The following MCM5 variants were observed in gnomAD, a reference collection of about 807,000 sequenced individuals.
MCM5 encodes the protein minichromosome maintenance complex component 5.
A neutral mutation model predicts 79.9 loss-of-function variants in MCM5; 46 were observed. The observed-to-expected ratio is 0.58, with a 90% confidence interval of 0.45 to 0.74. The LOEUF (loss-of-function observed/expected upper bound fraction) is 0.74, where lower values mean the gene tolerates loss of function less well. Among genes scored for constraint, MCM5 ranks in the 30% least tolerant of loss-of-function variants. The probability of loss-of-function intolerance (pLI) is 0.00; values close to 1 mark genes in which losing one functional copy is unlikely to be tolerated. For missense variants in MCM5, 883 were observed against 1,017.0 expected (o/e 0.87, Z 1.79); for synonymous variants, 404 against 390.5 (o/e 1.03, Z -0.41).
At chr22:35,431,731 A>C in the MCM5 span, among the ~76,000 whole-genome samples, 1 of 152,060 alleles carries the variant, frequency 6.6e-6, no homozygotes, top group Admixed American at 6.5e-5. Context: ...GAGTTTGAGG[A>C]TCTTGGCTCC....
intron 4 of MCM5, 64 bp from the exon 5 acceptor site, chr22:35,406,489 T>A (rs1250551173): frequency 6.8e-7 from 1 of 1,470,846 alleles, no homozygotes; most frequent in Non-Finnish European, 9.4e-7. Flanking sequence ...GGATATTTAC[T>A]GGCATATCTC....
chr22:35,436,328 C>T, the MCM5 span, among the ~76,000 whole-genome samples: 1 of 152,194 alleles, frequency 6.6e-6, no homozygotes, highest in Non-Finnish European at 1.5e-5. Flanking sequence ...CATGCTCCTG[C>T]TTCTCTGACC....
At chr22:35,431,660 G>C in the MCM5 span, among the ~76,000 whole-genome samples, 3 of 152,058 alleles carry the variant, frequency 2.0e-5, no homozygotes, top group Admixed American at 6.6e-5. Flanking sequence ...GAACCCATCA[G>C]CTTCTAGCAC....
At chr22:35,417,924 C>T in intron 13 of MCM5, 68 bp downstream of exon 13, 2 of 1,051,538 alleles carry the variant, frequency 1.9e-6, no homozygotes, top group South Asian at 1.3e-5. Flanking sequence ...AGAACCCAGT[C>T]CCCTGGTCCT....
chr22:35,444,601 T>G, the MCM5 span, among the ~76,000 whole-genome samples: 12 of 152,066 alleles, frequency 7.9e-5, no homozygotes, highest in East Asian at 2.3e-3. Context: ...GTGTGCGTGG[T>G]GGGCAGGGGT....
the MCM5 span, among the ~76,000 whole-genome samples, chr22:35,430,469 T>C: frequency 6.6e-6 from 1 of 151,354 alleles, no homozygotes; most frequent in Non-Finnish European, 1.5e-5. Flanking sequence ...TGCTGTGTTT[T>C]GGGCCTGGAG....
At chr22:35,400,975 C>G (rs1454685457) in intron 2 of MCM5, among the ~76,000 whole-genome samples, 1 of 152,096 alleles carries the variant, frequency 6.6e-6, no homozygotes, top group African/African-American at 2.4e-5. Flanking sequence ...GCCATCACCA[C>G]GCCCGGATAA....
At chr22:35,453,817 T>TAGAGAGAGAGAGAG in the MCM5 span, among the ~76,000 whole-genome samples, 6 of 78,284 alleles carry the variant, frequency 7.7e-5, no homozygotes, top group African/African-American at 2.6e-4. Flanking sequence ...TATATATATA[T>TAGAGAGAGAGAGAG]ATAGAGAGAG....
the MCM5 span, among the ~76,000 whole-genome samples, chr22:35,442,279 C>T: frequency 6.6e-6 from 1 of 151,954 alleles, no homozygotes; most frequent in African/African-American, 2.4e-5. Context: ...TGGTGGGTTC[C>T]TCCGTCTGCG....
At chr22:35,422,864 A>G (rs546159177) in intron 15 of MCM5, 8 of 172,948 alleles carry the variant, frequency 4.6e-5, no homozygotes, top group South Asian at 4.0e-4. Context: ...TCTCTAATCT[A>G]TCTGCTCCAG....
intron 4 of MCM5, among the ~76,000 whole-genome samples, chr22:35,405,407 C>T (rs909455952): frequency 6.6e-6 from 1 of 152,050 alleles, no homozygotes; most frequent in African/African-American, 2.4e-5. Flanking sequence ...GACTCTGTCG[C>T]CCAGGATGGA....
At chr22:35,454,984 CATAGTTTATAATA>C in the MCM5 span, among the ~76,000 whole-genome samples, 3 of 151,878 alleles carry the variant, frequency 2.0e-5, no homozygotes, top group African/African-American at 4.8e-5. Context: ...CTGGAATAAT[CATAGTTTATAATA>C]ATAGTTTATA....
intron 13 of MCM5, among the ~76,000 whole-genome samples, chr22:35,418,920 C>A (rs757160199): frequency 4.6e-5 from 7 of 152,172 alleles, no homozygotes; most frequent in Non-Finnish European, 1.0e-4. Context: ...GGATGTGAAC[C>A]CAGCTGCTTG....
rs1328200929 is a variant in MCM5 at position 35,415,087 on chromosome 22, T to C, written c.1204-742T>C. On this transcript the variant is annotated intron_variant, in intron 9 of 16. Transcript: ENST00000216122. The stretch of plus-strand genomic sequence containing the variant: ...CACATTAAAAAGTAGCTGGGTGCGG[T>C]TGTGTGCATACCTGTAGTCCCAGCT... 2.6e-5 allele frequency among the ~76,000 whole-genome samples: 4 copies of C among 151,872 alleles called. No homozygotes were observed. In the East Asian group the frequency reaches 7.8e-4, roughly 30 times the overall value.
intron 6 of MCM5, among the ~76,000 whole-genome samples, chr22:35,409,088 G>A (rs555126548): frequency 6.0e-4 from 91 of 152,174 alleles, no homozygotes; most frequent in African/African-American, 1.3e-3. Flanking sequence ...TCAGCCTCCC[G>A]AGTAGCTGGG....
chr22:35,408,332 G>T, intron 5 of MCM5, 76 bp from the exon 6 acceptor site: 1 of 1,432,292 alleles, frequency 7.0e-7, no homozygotes, highest in Non-Finnish European at 9.6e-7. Flanking sequence ...TCTCCTTGCT[G>T]GCTCCTGGGA....
intron 4 of MCM5, among the ~76,000 whole-genome samples, 189 bp downstream of exon 4, chr22:35,403,731 A>G (rs778105620): frequency 4.6e-5 from 7 of 152,232 alleles, no homozygotes; most frequent in African/African-American, 1.7e-4. Context: ...AGCAGAGAGT[A>G]GTATAATGAA....
intron 8 of MCM5, among the ~76,000 whole-genome samples, chr22:35,412,891 G>A (rs567315497): frequency 1.3e-5 from 2 of 152,336 alleles, no homozygotes; most frequent in African/African-American, 2.4e-5. Flanking sequence ...ACCCTGGCAA[G>A]GGGGAGACTG....
chr22:35,444,363 T>C, the MCM5 span, among the ~76,000 whole-genome samples: 3 of 152,092 alleles, frequency 2.0e-5, no homozygotes, highest in Non-Finnish European at 4.4e-5. Flanking sequence ...GCAGGGTCTG[T>C]GGACTTGAGT....
Sources: gnomAD v4.1 joint callset for allele counts (sites outside exome capture counted in the v4.1 genomes callset) on GRCh38, gnomAD v4.1.1 for gene constraint, MANE v1.5 for transcripts, NCBI Gene and HGNC (gene_info 2026-07-23, HGNC 2026-07-21) for gene names.